DCAF12L2: variants seen among roughly 807,000 people sequenced by gnomAD.
DCAF12L2 encodes the protein DDB1 and CUL4 associated factor 12 like 2.
A neutral mutation model predicts 20.2 loss-of-function variants in DCAF12L2; 16 were observed. The ratio of observed to expected loss-of-function variants is 0.79; its 90% CI spans 0.54 to 1.20. The LOEUF is 1.20. Among genes scored for constraint, DCAF12L2 ranks in the 50% most tolerant of loss-of-function variants. The probability of loss-of-function intolerance (pLI) is 0.00; values close to 1 mark genes in which losing one functional copy is unlikely to be tolerated. For synonymous variants in DCAF12L2, 195 were observed against 190.0 expected (o/e 1.03, Z -0.22); for missense variants, 355 against 404.8 (o/e 0.88, Z 1.06).
Position 126,165,530 on chromosome X carries a change from C to A in DCAF12L2, c.395G>T (p.Arg132Leu). ...CTCCTTGTCCCGCATGAGGGGGATG[C>A]GCGTGATGTGGCCTGACTGCACGTC... Reference protein sequence around the residue: ...VVDVQSGHITRIPLMRDKEAG... With the variant: ...VVDVQSGHITLIPLMRDKEAG... Residue 132 changes from arginine to leucine, a missense_variant, in exon 1 of 1, where the codon CGC becomes CTC. By Grantham distance (102) the Arg-to-Leu change is moderately radical. Coordinates refer to ENST00000360028, the MANE Select transcript of DCAF12L2 (RefSeq NM_001013628.3). The A allele has an allele frequency of 1.6e-6, 2 of 1,212,308 alleles. No individual in the cohort carries two copies. Among genetic ancestry groups the A allele is most frequent in the Non-Finnish European group, 2.2e-6 (2 of 895,538 alleles).
At position 126,164,382 on chromosome X, in the gene DCAF12L2, T is replaced by G; in HGVS notation, c.*151A>C. ...CTCCCGCTCTCTCTCTTTCTTTCTCTGCCTAATACATTAAGCACACGTAAG... is the reference window on the plus strand; with the variant it reads ...CTCCCGCTCTCTCTCTTTCTTTCTCGGCCTAATACATTAAGCACACGTAAG... On this transcript the variant is annotated 3_prime_UTR_variant, in exon 1 of 1. Transcript: ENST00000360028. The G allele has an allele frequency of 1.4e-6, 1 of 704,846 alleles. No homozygotes were observed. Among genetic ancestry groups the G allele is most frequent in the Non-Finnish European group, 2.0e-6 (1 of 496,247 alleles). 58.1% of individuals were successfully genotyped at this position (704,846 alleles called of 1,213,427 possible).
Position 126,165,362 on chromosome X carries a change from C to A in DCAF12L2, c.563G>T (p.Gly188Val). The A allele has an allele frequency of 2.5e-6, 3 of 1,212,044 alleles. No individual in the cohort carries two copies. The highest frequency in any genetic ancestry group is 3.3e-6 in the Non-Finnish European group (3 of 895,607). ...QLPTLDPLCLGDRHGHKDWIF... is the reference protein window; with the variant it reads ...QLPTLDPLCLVDRHGHKDWIF... Reference sequence around the variant, plus strand: ...CCAGTCCTTGTGGCCATGGCGGTCGCCCAGGCACAGGGGGTCCAGGGTGGG... The same window carrying A: ...CCAGTCCTTGTGGCCATGGCGGTCGACCAGGCACAGGGGGTCCAGGGTGGG... Residue 188 changes from glycine (G) to valine (V), a missense_variant, in exon 1 of 1, where the codon GGC becomes GTC. By Grantham distance (109) the Gly-to-Val change is moderately radical. Transcript: ENST00000360028.
chrX:126,165,688 G>C lies in DCAF12L2; in HGVS notation c.237C>G (p.Ala79=), dbSNP rs750116698. 9.1e-6 allele frequency: 11 copies of C among 1,211,168 alleles called. No individual in the cohort carries two copies. Among genetic ancestry groups the C allele is most frequent in the South Asian group, 5.3e-5 (3 of 57,009 alleles). The stretch of plus-strand genomic sequence containing the variant: ...TCAGCAGCTCGGGCAGCCTCTGGAC[G>C]GCGTAGCCCCGCAGCTCGCCCTCGA... ...QGFEGELRGY[A]VQRLPELLTE... is the part of the protein sequence containing the mutation. Residue 79 remains alanine, a synonymous_variant, in exon 1 of 1, where the codon GCC becomes GCG. Transcript: ENST00000360028.
chrX:126,164,565 G>A lies in DCAF12L2; in HGVS notation c.1360C>T (p.Leu454Phe). 8.3e-7 allele frequency: 1 copy of A among 1,211,595 alleles called. No homozygotes were observed. Among genetic ancestry groups the A allele is most frequent in the Non-Finnish European group, 1.1e-6 (1 of 895,290 alleles). ...CAGAGGCCTGCGTAGTTCCCATGGAGGCCTGAAGGGAGAGGCCCCCCAGCC... is the reference window on the plus strand; with the variant it reads ...CAGAGGCCTGCGTAGTTCCCATGGAAGCCTGAAGGGAGAGGCCCCCCAGCC... ...FVAGGPLPSG[L>F]HGNYAGLWS Residue 454 changes from leucine (L) to phenylalanine (F), a missense_variant, in exon 1 of 1, where the codon CTC becomes TTC. Transcript: ENST00000360028.
Position 126,165,172 on chromosome X carries a change from C to T in DCAF12L2, c.753G>A (p.Glu251=). The T allele has an allele frequency of 8.3e-7, 1 of 1,212,088 alleles. No individual in the cohort carries two copies. The highest frequency in any genetic ancestry group is 1.1e-6 in the Non-Finnish European group (1 of 895,494). The change falls in exon 1 of 1, where the codon GAG becomes GAA. Residue 251 remains glutamate, a synonymous_variant. Transcript: ENST00000360028. ...VYAHIRPRDV[E]AIPRASTNPS... is the part of the protein sequence containing the mutation. ...GGTTGGTGCTGGCCCTGGGGATGGC[C>T]TCCACATCCCTCGGACGGATGTGGG...
At position 126,165,211 on chromosome X, in the gene DCAF12L2, A is replaced by G. The variant is rs1927798601; in HGVS notation, c.714T>C (p.Gly238=). 8.3e-7 allele frequency: 1 copy of G among 1,210,167 alleles called. No individual in the cohort carries two copies. The change falls in exon 1 of 1, where the codon GGT becomes GGC. Residue 238 remains glycine, a synonymous_variant. Transcript: ENST00000360028. ...GACGGATGTGGGCATATACTGGGAG[A>G]CCCACCTCGCTGTGCCAGGCAATGC... ...NGSIAWHSEV[G]LPVYAHIRPR... is the part of the protein sequence containing the mutation.
At position 126,165,910 on chromosome X, in the gene DCAF12L2, T is replaced by C. The variant is rs771913486; in HGVS notation, c.15A>G (p.Gln5=). 6.3e-5 allele frequency: 75 copies of C among 1,199,811 alleles called. No individual in the cohort carries two copies. Among genetic ancestry groups the C allele is most frequent in the Non-Finnish European group, 7.8e-5 (70 of 893,748 alleles). Residue 5 remains glutamine, a synonymous_variant, in exon 1 of 1, where the codon CAA becomes CAG. Coordinates refer to ENST00000360028, the MANE Select transcript of DCAF12L2 (RefSeq NM_001013628.3). ...GCGCTTTCCGTTTCCTGCTACCTGT[T>C]TGCTGCTGGGCCATGGTGGGCGGCG... MAQQ[Q]TGSRKRKAPA...
chrX:126,165,884 G>A lies in DCAF12L2; in HGVS notation c.41C>T (p.Pro14Leu). ...GCTCCCGGCTCCCGCCTCGACCGCG[G>A]GCGCTTTCCGTTTCCTGCTACCTGT... ...QQTGSRKRKA[P>L]AVEAGAGSSS... Residue 14 changes from proline (P) to leucine (L), a missense_variant, in exon 1 of 1, where the codon CCC becomes CTC. Coordinates refer to ENST00000360028, the MANE Select transcript of DCAF12L2 (RefSeq NM_001013628.3). The A allele has an allele frequency of 8.3e-7, 1 of 1,205,480 alleles. No homozygotes were observed. Among genetic ancestry groups the A allele is most frequent in the Non-Finnish European group, 1.1e-6 (1 of 894,909 alleles).
rs1191471228 is a variant in DCAF12L2 at position 126,165,028 on chromosome X, C to T, written c.897G>A (p.Leu299=). ...CTCGGCAGTAGGGCAGCCTGATGGA[C>T]AGGAGCCTGGATAGTGTGCTCCGGG... ...WKARSTLSRL[L]SIRLPYCREN... is the part of the protein sequence containing the mutation. Residue 299 remains leucine (L), a synonymous_variant, in exon 1 of 1, where the codon CTG becomes CTA. Coordinates refer to ENST00000360028, the MANE Select transcript of DCAF12L2 (RefSeq NM_001013628.3). The T allele has an allele frequency of 8.3e-7, 1 of 1,211,008 alleles. No homozygotes were observed. Among genetic ancestry groups the T allele is most frequent in the Non-Finnish European group, 1.1e-6 (1 of 895,393 alleles).
chrX:126,164,402 C>T lies in DCAF12L2; in HGVS notation c.*131G>A, dbSNP rs182137858. On this transcript the variant is annotated 3_prime_UTR_variant, in exon 1 of 1. Coordinates refer to ENST00000360028, the MANE Select transcript of DCAF12L2 (RefSeq NM_001013628.3). ...TTCTCTGCCTAATACATTAAGCACA[C>T]GTAAGTTGGACTGGTTCCACCTGGA... is the stretch of plus-strand genomic sequence containing the variant. 35 of 847,371 alleles carry T rather than the reference C, an allele frequency of 4.1e-5. No individual in the cohort carries two copies. Among genetic ancestry groups the T allele is most frequent in the Non-Finnish European group, 8.2e-6 (5 of 613,161 alleles). 69.8% of individuals were successfully genotyped at this position (847,371 alleles called of 1,213,427 possible).
chrX:126,165,955 G>T lies in DCAF12L2; in HGVS notation c.-31C>A, dbSNP rs764758747. On this transcript the variant is annotated 5_prime_UTR_variant, in exon 1 of 1. Coordinates refer to ENST00000360028, the MANE Select transcript of DCAF12L2 (RefSeq NM_001013628.3). Reference sequence around the variant, plus strand: ...GCGGCGGGCGATCTGCAGCAGCGGCGGCGGCGGCGGCGGCGGCGGCGGCGG... The same window carrying T: ...GCGGCGGGCGATCTGCAGCAGCGGCTGCGGCGGCGGCGGCGGCGGCGGCGG... 1 of 812,948 alleles carries T rather than the reference G, an allele frequency of 1.2e-6. No individual in the cohort carries two copies. The highest frequency in any genetic ancestry group is 1.5e-6 in the Non-Finnish European group (1 of 671,928). The allele number at this position is 812,948 out of a possible 1,213,427, so 67.0% of individuals were successfully genotyped here.
Position 126,164,712 on chromosome X carries a change from C to A in DCAF12L2, c.1213G>T (p.Ala405Ser). 8.2e-7 allele frequency: 1 copy of A among 1,212,434 alleles called. No homozygotes were observed. The highest frequency in any genetic ancestry group is 1.1e-6 in the Non-Finnish European group (1 of 895,612). The change falls in exon 1 of 1, where the codon GCC becomes TCC. Residue 405 changes from alanine (A) to serine (S), a missense_variant. Physicochemically the swap from Ala to Ser is moderately conservative, Grantham distance 99. Coordinates refer to ENST00000360028, the MANE Select transcript of DCAF12L2 (RefSeq NM_001013628.3). ...TGGTTGAGCCAGCCTCTGCCGCAGG[C>A]AAGCTTGAGCTTCCTCCCTGCGGGC... ...PGPAGRKLKL[A>S]CGRGWLNQDD...
chrX:126,165,837 C>G lies in DCAF12L2; in HGVS notation c.88G>C (p.Ala30Pro). ...AGCAGAGGCCCCTCTCCGTCCGCCG[C>G]CGCTAAACCCTGCGACGACGAGCTC... is the stretch of plus-strand genomic sequence containing the variant. Reference protein sequence around the residue: ...AGSSSSQGLAAADGEGPLLPK... With the variant: ...AGSSSSQGLAPADGEGPLLPK... Residue 30 changes from alanine to proline, a missense_variant, in exon 1 of 1, where the codon GCG becomes CCG. Coordinates refer to ENST00000360028, the MANE Select transcript of DCAF12L2 (RefSeq NM_001013628.3). 8.3e-7 allele frequency: 1 copy of G among 1,207,716 alleles called. No homozygotes were observed.
In DCAF12L2 at chrX:126,164,478, A is replaced by G; in HGVS notation, c.*55T>C. The stretch of plus-strand genomic sequence containing the variant: ...GCACAAATGCAGCATGAAGAAGGAA[A>G]GTCAGGCGGAACTGAAAGGTAAACC... On this transcript the variant is annotated 3_prime_UTR_variant, in exon 1 of 1. Transcript: ENST00000360028. 8.8e-6 allele frequency: 10 copies of G among 1,140,919 alleles called. No homozygotes were observed. The highest frequency in any genetic ancestry group is 1.0e-5 in the Non-Finnish European group (9 of 860,867). 94.0% of individuals were successfully genotyped at this position (1,140,919 alleles called of 1,213,427 possible).
chrX:126,165,585 C>A lies in DCAF12L2; in HGVS notation c.340G>T (p.Gly114Cys). The A allele has an allele frequency of 8.2e-7, 1 of 1,212,159 alleles. No individual in the cohort carries two copies. The highest frequency in any genetic ancestry group is 1.1e-6 in the Non-Finnish European group (1 of 895,511). ...ACAAACAGCGTATTACACTTGGTGC[C>A]GCACACCACCTGCCTGGCGTTCAGC... ...QWLNARQVVCGTKCNTLFVVD... is the reference protein window; with the variant it reads ...QWLNARQVVCCTKCNTLFVVD... The change falls in exon 1 of 1, where the codon GGC (glycine) becomes TGC (cysteine). Residue 114 changes from glycine (G) to cysteine (C), a missense_variant. Gly to Cys is a radical substitution (Grantham distance 159). Coordinates refer to ENST00000360028, the MANE Select transcript of DCAF12L2 (RefSeq NM_001013628.3).
In DCAF12L2 at chrX:126,165,475, G is replaced by A. The variant is rs1927810383; in HGVS notation, c.450C>T (p.Cys150=). ...EAGLAQAHQG[C]GIHAIELNPS... ...GATTCAGCTCGATGGCATGGATGCCGCAGCCCTGGTGGGCCTGGGCCAGCC... is the reference window on the plus strand; with the variant it reads ...GATTCAGCTCGATGGCATGGATGCCACAGCCCTGGTGGGCCTGGGCCAGCC... Residue 150 remains cysteine (C), a synonymous_variant, in exon 1 of 1, where the codon TGC becomes TGT. Transcript: ENST00000360028. 6.6e-6 allele frequency: 8 copies of A among 1,212,348 alleles called. No homozygotes were observed. The South Asian group carries it at 8.8e-5, about 13-fold the overall frequency.
Position 126,165,830 on chromosome X carries a change from T to A in DCAF12L2, c.95A>T (p.Asp32Val). The A allele has an allele frequency of 8.3e-7, 1 of 1,206,137 alleles. No individual in the cohort carries two copies. The highest frequency in any genetic ancestry group is 1.1e-6 in the Non-Finnish European group (1 of 894,518). The change falls in exon 1 of 1, where the codon GAC (aspartate) becomes GTC (valine). Residue 32 changes from aspartate (D) to valine (V), a missense_variant. Physicochemically the swap from Asp to Val is radical, Grantham distance 152. Transcript: ENST00000360028. ...CTTGGGTAGCAGAGGCCCCTCTCCG[T>A]CCGCCGCCGCTAAACCCTGCGACGA... ...SSSSQGLAAADGEGPLLPKKQ... is the reference protein window; with the variant it reads ...SSSSQGLAAAVGEGPLLPKKQ...
In DCAF12L2 at chrX:126,164,415, G is replaced by A. The variant is rs918626709; in HGVS notation, c.*118C>T. On this transcript the variant is annotated 3_prime_UTR_variant, in exon 1 of 1. Coordinates refer to ENST00000360028, the MANE Select transcript of DCAF12L2 (RefSeq NM_001013628.3). ...ACATTAAGCACACGTAAGTTGGACT[G>A]GTTCCACCTGGAAGACAAAAGCCAC... 2.1e-6 allele frequency: 2 copies of A among 944,965 alleles called. No individual in the cohort carries two copies. Among genetic ancestry groups the A allele is most frequent in the East Asian group, 3.2e-5 (1 of 30,794 alleles). 77.9% of individuals were successfully genotyped at this position (944,965 alleles called of 1,213,427 possible).
Position 126,164,941 on chromosome X carries a change from G to T in DCAF12L2, c.984C>A (p.His328Gln). 8.2e-7 allele frequency: 1 copy of T among 1,212,307 alleles called. No individual in the cohort carries two copies. The highest frequency in any genetic ancestry group is 1.1e-6 in the Non-Finnish European group (1 of 895,633). ...GCTGGCGCGGATCCAGGAAGGAGAC[G>T]TGGGACTGAGAGCCCACAGCGTACA... ...LSLYAVGSQS[H>Q]VSFLDPRQRQ... is the part of the protein sequence containing the mutation. Residue 328 changes from histidine (H) to glutamine (Q), a missense_variant, in exon 1 of 1, where the codon CAC becomes CAA. Physicochemically the swap from His to Gln is conservative, Grantham distance 24 (BLOSUM62 0). Coordinates refer to ENST00000360028, the MANE Select transcript of DCAF12L2 (RefSeq NM_001013628.3).
Sources: gnomAD v4.1 joint callset for allele counts on GRCh38, gnomAD v4.1.1 for gene constraint, MANE v1.5 for transcripts, NCBI Gene and HGNC (gene_info 2026-07-23, HGNC 2026-07-21) for gene names.